The following ANO4 variants were observed in gnomAD, a reference collection of about 807,000 sequenced individuals.
ANO4 encodes the protein anoctamin-4.
A neutral mutation model predicts 141.9 loss-of-function variants in ANO4; 69 were observed. The ratio of observed to expected loss-of-function variants is 0.49; its 90% confidence interval spans 0.40 to 0.59. The LOEUF is 0.59. ANO4 is among the 20% of genes least tolerant of loss of function. ANO4 has a pLI of 0.00. For missense variants in ANO4, 894 were observed against 1,162.2 expected (o/e 0.77, Z 3.36); for synonymous variants, 350 against 394.3 (o/e 0.89, Z 1.33).
intron 1 of ANO4, among the ~76,000 whole-genome samples, chr12:100,832,988 A>G (rs1347617343): frequency 6.6e-6 from 1 of 152,174 alleles, no homozygotes; most frequent in Non-Finnish European, 1.5e-5. Flanking sequence ...GCTTTCTAGC[A>G]GACAGATTGC....
intron 22 of ANO4, among the ~76,000 whole-genome samples, chr12:101,104,644 T>A (rs1445299980): frequency 1.0e-4 from 9 of 86,364 alleles, no homozygotes; most frequent in Non-Finnish European, 1.7e-4. Flanking sequence ...TATATATATA[T>A]ATATATATAT....
At chr12:100,846,977 T>C (rs1243691004) in intron 1 of ANO4, among the ~76,000 whole-genome samples, 8 of 152,008 alleles carry the variant, frequency 5.3e-5, no homozygotes, top group Non-Finnish European at 8.8e-5. Flanking sequence ...ATTTTTGAAA[T>C]CACAACTTTT....
At chr12:101,015,832 A>G (rs555340364) in intron 8 of ANO4, among the ~76,000 whole-genome samples, 38 of 152,208 alleles carry the variant, frequency 2.5e-4, no homozygotes, top group Non-Finnish European at 4.3e-4. Flanking sequence ...CTTAGCTTAC[A>G]TTGTGTGCAT....
At chr12:100,755,670 T>C (rs1357053485) in intron 3 of ANO4, among the ~76,000 whole-genome samples, 1 of 152,216 alleles carries the variant, frequency 6.6e-6, no homozygotes, top group East Asian at 1.9e-4. Flanking sequence ...CTTCATCTAA[T>C]TACCATTAAT....
At position 100,830,449 on chromosome 12, in the gene ANO4, C is replaced by T. The variant is rs148186747; in HGVS notation, c.-141+35422C>T. ...CTCGGGAGTCCATTTTATTTTTCTA[C>T]TTGAGTGTTCCAGTGTATTCGTTGA... On this transcript the variant is annotated intron_variant, in intron 1 of 27. Transcript: ENST00000392977. 9.6e-3 allele frequency among the ~76,000 whole-genome samples: 1,455 copies of T among 152,128 alleles called. 18 individuals carry two copies. Among genetic ancestry groups the T allele is most frequent in the Admixed American group, 0.014 (218 of 15,266 alleles).
At chr12:100,964,070 A>G (rs2043542555) in intron 5 of ANO4, among the ~76,000 whole-genome samples, 1 of 152,178 alleles carries the variant, frequency 6.6e-6, no homozygotes, top group South Asian at 2.1e-4. Context: ...CCTTACATTA[A>G]TTTTTAGGAT....
At chr12:100,731,511 A>G (rs2031379543) in intron 1 of ANO4, among the ~76,000 whole-genome samples, 1 of 152,198 alleles carries the variant, frequency 6.6e-6, no homozygotes. Context: ...TCAACACGTC[A>G]TAATCACCCA....
chr12:100,851,798 G>C (rs558018473), intron 1 of ANO4, among the ~76,000 whole-genome samples: 3 of 152,056 alleles, frequency 2.0e-5, no homozygotes, highest in South Asian at 4.2e-4. Context: ...AGAGACCTGT[G>C]GGGGGAGGGG....
intron 25 of ANO4, among the ~76,000 whole-genome samples, chr12:101,118,089 C>T (rs2137044946): frequency 6.6e-6 from 1 of 152,150 alleles, no homozygotes; most frequent in South Asian, 2.1e-4. Context: ...AATTAAGCAA[C>T]AATTGATACT....
At chr12:100,971,841 T>C (rs1041205817) in intron 6 of ANO4, among the ~76,000 whole-genome samples, 13 of 150,542 alleles carry the variant, frequency 8.6e-5, no homozygotes, top group African/African-American at 3.0e-4. Context: ...TTCATGACAG[T>C]GTGATCTTCT....
chr12:100,925,743 ATGT>A (rs201681086), intron 3 of ANO4, among the ~76,000 whole-genome samples: 6,328 of 149,742 alleles, frequency 0.042, 448 homozygotes, highest in African/African-American at 0.15. Context: ...TTTTCTTCAA[ATGT>A]TGTGACTATT....
chr12:100,939,444 G>C lies in ANO4; in HGVS notation c.290G>C (p.Gly97Ala). Residue 97 changes from glycine (G) to alanine (A), a missense_variant, in exon 4 of 28, where the codon GGG becomes GCG. Physicochemically the swap from Gly to Ala is moderately conservative, Grantham distance 60. Coordinates refer to ENST00000392977, the MANE Select transcript of ANO4 (RefSeq NM_001286615.2). ...TSDDASRLEAGGETVPERNKS... is the reference protein window; with the variant it reads ...TSDDASRLEAAGETVPERNKS... ...GATGATGCCAGCAGATTGGAAGCCGGGGGAGAGGTAAGAGTATATGATTTC... is the reference window on the plus strand; with the variant it reads ...GATGATGCCAGCAGATTGGAAGCCGCGGGAGAGGTAAGAGTATATGATTTC... The C allele has an allele frequency of 6.2e-7, 1 of 1,613,314 alleles. No homozygotes were observed. The highest frequency in any genetic ancestry group is 8.5e-7 in the Non-Finnish European group (1 of 1,179,504).
chr12:100,939,795 G>C (rs529380440), intron 4 of ANO4, among the ~76,000 whole-genome samples: 1 of 152,294 alleles, frequency 6.6e-6, no homozygotes, highest in Admixed American at 6.5e-5. Context: ...GGGTAGAATA[G>C]TGACCTAAAA....
chr12:100,995,378 GAAC>G (rs1566104081), intron 8 of ANO4, among the ~76,000 whole-genome samples: 1 of 152,114 alleles, frequency 6.6e-6, no homozygotes, highest in Non-Finnish European at 1.5e-5. Flanking sequence ...ATACCAAGGA[GAAC>G]AACAATAGTG....
intron 13 of ANO4, among the ~76,000 whole-genome samples, chr12:101,046,847 A>C (rs1032463051): frequency 5.3e-5 from 8 of 152,334 alleles, no homozygotes; most frequent in African/African-American, 1.9e-4. Context: ...ACCTGGAGAA[A>C]GGAGAATGGA....
At chr12:100,758,808 T>C (rs2032729606) in intron 3 of ANO4, among the ~76,000 whole-genome samples, 1 of 152,198 alleles carries the variant, frequency 6.6e-6, no homozygotes, top group South Asian at 2.1e-4. Context: ...GAGAATCCTT[T>C]CTTTCCTGTT....
chr12:101,061,832 T>A (rs1359459149), intron 14 of ANO4, among the ~76,000 whole-genome samples: 1 of 152,064 alleles, frequency 6.6e-6, no homozygotes, highest in Non-Finnish European at 1.5e-5. Context: ...AACATGCTCC[T>A]TTAGCTTGGA....
chr12:101,049,691 CAT>C, intron 14 of ANO4, among the ~76,000 whole-genome samples: 1 of 152,198 alleles, frequency 6.6e-6, no homozygotes, highest in East Asian at 1.9e-4. Flanking sequence ...TAAGTGGAAA[CAT>C]AAAACCTTGT....
intron 8 of ANO4, among the ~76,000 whole-genome samples, chr12:101,005,886 C>T (rs2045851235): frequency 6.6e-6 from 1 of 151,916 alleles, no homozygotes; most frequent in Non-Finnish European, 1.5e-5. Context: ...CTATAGCATC[C>T]TTTCTCCTTT....
Sources: allele counts gnomAD v4.1 joint callset (sites outside exome capture counted in the v4.1 genomes callset), GRCh38; gene constraint gnomAD v4.1.1; transcripts MANE v1.5; gene names NCBI Gene and HGNC (gene_info 2026-07-23, HGNC 2026-07-21).